XPR1: variants seen among roughly 807,000 people sequenced by gnomAD.
XPR1 encodes the protein xenotropic and polytropic retrovirus receptor 1, also known as solute carrier family 53 member 1.
In XPR1, 28 loss-of-function variants were observed where a neutral mutation model predicts 87.5. The ratio of observed to expected loss-of-function variants is 0.32; its 90% CI spans 0.24 to 0.44. XPR1 has a LOEUF of 0.44. Ranked by LOEUF, XPR1 falls within the 20% of genes least tolerant of loss-of-function variation. The probability of loss-of-function intolerance (pLI) is 1.00; values close to 1 mark genes in which losing one functional copy is unlikely to be tolerated. For missense variants in XPR1, 559 were observed against 862.3 expected (o/e 0.65, Z 4.41); for synonymous variants, 300 against 306.1 (o/e 0.98, Z 0.21).
intron 2 of XPR1, among the ~76,000 whole-genome samples, chr1:180,742,847 GA>G (rs975567398): frequency 4.6e-5 from 7 of 151,940 alleles, no homozygotes; most frequent in Admixed American, 4.6e-4. Flanking sequence ...TCAAAGTAAT[GA>G]TTTTTTTTGA....
At chr1:180,876,725 A>G (rs928020130) in intron 13 of XPR1, among the ~76,000 whole-genome samples, 1 of 152,204 alleles carries the variant, frequency 6.6e-6, no homozygotes, top group Non-Finnish European at 1.5e-5. Flanking sequence ...AAGGCCATTG[A>G]TAAAAGTCAA....
rs1166796851 is a variant in XPR1 at position 180,887,878 on chromosome 1, A to G, written c.*3812A>G. On this transcript the variant is annotated 3_prime_UTR_variant, in exon 15 of 15. Coordinates refer to ENST00000367590, the MANE Select transcript of XPR1 (RefSeq NM_004736.4). ...CATTCACAGTAACTAGAGAAAGCAG[A>G]TCATCCATTTCTGGATAGGTGAACT... 2.0e-5 allele frequency: 3 copies of G among 152,264 alleles called. No homozygotes were observed. The highest frequency in any genetic ancestry group is 4.4e-5 in the Non-Finnish European group (3 of 68,050). The allele number at this position is 152,264 out of a possible 1,614,324, so 9.4% of individuals were successfully genotyped here. A position where few individuals can be genotyped will look rare whatever the true frequency, so the allele number is the denominator to read the frequency against.
chr1:180,662,770 CT>C (rs1236648734), intron 1 of XPR1, among the ~76,000 whole-genome samples: 1 of 152,066 alleles, frequency 6.6e-6, no homozygotes, highest in Non-Finnish European at 1.5e-5. Context: ...TAGATTTGCC[CT>C]TTTGAGGTTC....
intron 3 of XPR1, 52 bp downstream of exon 3, chr1:180,787,906 C>A: frequency 7.6e-7 from 1 of 1,323,174 alleles, no homozygotes. Context: ...ATAAATTGTA[C>A]CATATCATTG....
intron 2 of XPR1, among the ~76,000 whole-genome samples, chr1:180,706,582 A>G (rs1657563924): frequency 6.6e-6 from 1 of 152,146 alleles, no homozygotes; most frequent in African/African-American, 2.4e-5. Flanking sequence ...TCACTGTTGT[A>G]CAACATCTAC....
intron 7 of XPR1, among the ~76,000 whole-genome samples, chr1:180,819,757 C>T (rs926791790): frequency 6.6e-6 from 1 of 152,126 alleles, no homozygotes; most frequent in East Asian, 1.9e-4. Flanking sequence ...GTGGCTCATG[C>T]CTGTAATCCT....
chr1:180,787,871 CTTT>C lies in XPR1; in HGVS notation c.223+25_223+27del. On this transcript the variant is annotated intron_variant, in intron 3 of 14. Transcript: ENST00000367590. ...TTTATTCAGGTGAGTAATTAAGAGA[CTTT>C]TTTTTTTGCTGCCGGGGAAGGATAA... 7.4e-7 allele frequency: 1 copy of C among 1,353,062 alleles called. No homozygotes were observed. Among genetic ancestry groups the C allele is most frequent in the Non-Finnish European group, 1.0e-6 (1 of 998,702 alleles). The allele number at this position is 1,353,062 out of a possible 1,614,324, so 83.8% of individuals were successfully genotyped here.
At chr1:180,799,394 C>T (rs12093933) in intron 3 of XPR1, among the ~76,000 whole-genome samples, 1,791 of 152,260 alleles carry the variant, frequency 0.012, 28 homozygotes, top group African/African-American at 0.041. Context: ...AGTCTTGTCT[C>T]CCAACTTTTC....
chr1:180,718,406 T>C (rs1658068958), intron 2 of XPR1, among the ~76,000 whole-genome samples: 1 of 152,172 alleles, frequency 6.6e-6, no homozygotes, highest in Admixed American at 6.5e-5. Flanking sequence ...AAATTTCGCT[T>C]GTTAGAACTT....
chr1:180,786,560 G>C (rs1042054716), intron 2 of XPR1, among the ~76,000 whole-genome samples: 3 of 152,100 alleles, frequency 2.0e-5, no homozygotes, highest in African/African-American at 7.2e-5. Context: ...TTTAGGCTTG[G>C]GGTTCCTGAA....
intron 11 of XPR1, among the ~76,000 whole-genome samples, chr1:180,837,545 G>A (rs933847240): frequency 6.6e-6 from 1 of 152,000 alleles, no homozygotes; most frequent in Non-Finnish European, 1.5e-5. Flanking sequence ...AATCTAAAGT[G>A]TGTCTAACGG....
At chr1:180,709,057 G>A (rs1260504138) in intron 2 of XPR1, among the ~76,000 whole-genome samples, 2 of 151,706 alleles carry the variant, frequency 1.3e-5, no homozygotes, top group South Asian at 2.1e-4. Context: ...GATTACAGGC[G>A]CCCACCACCA....
chr1:180,874,012 A>G (rs545441344), intron 13 of XPR1, 70 bp downstream of exon 13: 163 of 1,447,090 alleles, frequency 1.1e-4, no homozygotes, highest in Admixed American at 3.1e-4. Flanking sequence ...CTTACAAATT[A>G]GAATTTATTA....
intron 1 of XPR1, among the ~76,000 whole-genome samples, chr1:180,670,229 A>G (rs941032437): frequency 2.6e-5 from 4 of 152,276 alleles, no homozygotes; most frequent in South Asian, 2.1e-4. Context: ...ATTTACATCT[A>G]AAGTAATTAC....
At chr1:180,635,540 G>T (rs1014688013) in intron 1 of XPR1, among the ~76,000 whole-genome samples, 2 of 152,094 alleles carry the variant, frequency 1.3e-5, no homozygotes, top group Non-Finnish European at 2.9e-5. Flanking sequence ...ACCCAGGAAT[G>T]ATTTTTTTCA....
intron 1 of XPR1, among the ~76,000 whole-genome samples, chr1:180,667,238 G>T (rs76688763): frequency 6.6e-6 from 1 of 152,142 alleles, no homozygotes; most frequent in Non-Finnish European, 1.5e-5. Flanking sequence ...ACCATTCATT[G>T]TGGGTTTTTC....
Position 180,835,048 on chromosome 1 carries a change from A to G in XPR1, c.1306+3A>G. ...CCTGTTGCCAAATAATTCAGAAGGT[A>G]GGGTATGAATTTGCATCTATACTAC... is the stretch of plus-strand genomic sequence containing the variant. On this transcript the variant is annotated splice_donor_region_variant and intron_variant, in intron 10 of 14. Transcript: ENST00000367590. The G allele has an allele frequency of 6.2e-7, 1 of 1,613,692 alleles. No individual in the cohort carries two copies. The highest frequency in any genetic ancestry group is 8.5e-7 in the Non-Finnish European group (1 of 1,179,810).
intron 3 of XPR1, among the ~76,000 whole-genome samples, chr1:180,791,469 G>T (rs1649376262): frequency 6.6e-6 from 1 of 152,014 alleles, no homozygotes; most frequent in African/African-American, 2.4e-5. Flanking sequence ...TAGAGATGGG[G>T]TTTCACCATG....
chr1:180,773,483 T>C (rs996785297), intron 2 of XPR1, among the ~76,000 whole-genome samples: 4 of 152,238 alleles, frequency 2.6e-5, no homozygotes. Flanking sequence ...TAAATAATTA[T>C]ATTCCCTTTC....
Sources: gnomAD v4.1 joint callset for allele counts (sites outside exome capture counted in the v4.1 genomes callset) on GRCh38, gnomAD v4.1.1 for gene constraint, MANE v1.5 for transcripts, NCBI Gene and HGNC (gene_info 2026-07-23, HGNC 2026-07-21) for gene names.